Variants in ZMYND11 observed in about 807,000 individuals in gnomAD.
The protein encoded by ZMYND11 is zinc finger MYND domain-containing protein 11.
Under a neutral mutation model 84.9 loss-of-function variants are expected in ZMYND11, and 9 were observed. That is an observed-to-expected ratio of 0.11 (90% confidence interval 0.06 to 0.18). The LOEUF (loss-of-function observed/expected upper bound fraction) is 0.18. Ranked by LOEUF, ZMYND11 falls within the 10% of genes least tolerant of loss-of-function variation. ZMYND11 has a pLI of 1.00. For synonymous variants in ZMYND11, 250 were observed against 244.1 expected, an observed-to-expected ratio of 1.02 and a Z score of -0.23; for missense variants, 409 against 761.0, an observed-to-expected ratio of 0.54 and a Z score of 5.44.
Position 238,547 on chromosome 10 carries a change from G to A in ZMYND11, c.609+870G>A, listed in dbSNP as rs570721173. Among the ~76,000 whole-genome samples the A allele has an allele frequency of 2.3e-3, 357 of 152,030 alleles. 1 individual carries two copies. Among genetic ancestry groups the A allele is most frequent in the African/African-American group, 8.3e-3 (345 of 41,472 alleles). On this transcript the variant is annotated intron_variant, in intron 6 of 14. Coordinates refer to ENST00000381604, the MANE Select transcript of ZMYND11 (RefSeq NM_001370100.5). ...AATTTTTTGTATTTTTAGTAGAGAC[G>A]GGGTTTCACCGTTTTAGCCAGGATG... is the stretch of plus-strand genomic sequence containing the variant.
At chr10:183,794 G>T (rs1409595903) in intron 2 of ZMYND11, among the ~76,000 whole-genome samples, 6 of 152,184 alleles carry the variant, frequency 3.9e-5, no homozygotes. Context: ...TCTTTGACCA[G>T]TTGGAGCCTG....
At chr10:193,324 T>G (rs546143704) in intron 2 of ZMYND11, among the ~76,000 whole-genome samples, 7 of 152,338 alleles carry the variant, frequency 4.6e-5, no homozygotes, top group Non-Finnish European at 7.3e-5. Context: ...GGGAGATATT[T>G]TAGGGGCCCT....
At chr10:191,810 G>A (rs11250790) in intron 2 of ZMYND11, among the ~76,000 whole-genome samples, 37,327 of 151,934 alleles carry the variant, frequency 0.25, 5,769 homozygotes, top group Non-Finnish European at 0.35. Flanking sequence ...TGTGGTTGTT[G>A]TCTCAGCATC....
chr10:145,015 T>C (rs1588412946), intron 1 of ZMYND11, among the ~76,000 whole-genome samples: 1 of 151,376 alleles, frequency 6.6e-6, no homozygotes, highest in South Asian at 2.1e-4. Flanking sequence ...AGTGAGAACA[T>C]GCAGTATTTG....
chr10:223,356 T>G (rs532742137), intron 4 of ZMYND11, among the ~76,000 whole-genome samples: 1 of 152,296 alleles, frequency 6.6e-6, no homozygotes, highest in East Asian at 1.9e-4. Flanking sequence ...CCTCTACTCT[T>G]TACTGAATGG....
chr10:209,492 A>G lies in ZMYND11; in HGVS notation c.117-397A>G, dbSNP rs138030216. Among the ~76,000 whole-genome samples, 707 of 152,282 alleles carry G rather than the reference A, an allele frequency of 4.6e-3. 5 individuals are homozygous for G. Among genetic ancestry groups the G allele is most frequent in the African/African-American group, 0.016 (670 of 41,548 alleles). ...AATATGTTTGTAGTTCTAAGGTCCT[A>G]TGGTTGGAGATTATAAAATTCTAAA... On this transcript the variant is annotated intron_variant, in intron 2 of 14. Coordinates refer to ENST00000381604, the MANE Select transcript of ZMYND11 (RefSeq NM_001370100.5).
At chr10:208,361 C>A in intron 2 of ZMYND11, among the ~76,000 whole-genome samples, 1 of 152,228 alleles carries the variant, frequency 6.6e-6, no homozygotes, top group Admixed American at 6.5e-5. Context: ...AGGCAACCTA[C>A]AAAATGGGAG....
At chr10:191,061 G>T (rs1459025496) in intron 2 of ZMYND11, among the ~76,000 whole-genome samples, 2 of 152,146 alleles carry the variant, frequency 1.3e-5, no homozygotes, top group African/African-American at 4.8e-5. Flanking sequence ...ATATTCAGCT[G>T]TGTAAACTGT....
At position 200,988 on chromosome 10, in the gene ZMYND11, A is replaced by G. The variant is rs72770983; in HGVS notation, c.117-8901A>G. ...GTCATAAAGAAATTCAACATTTCTA[A>G]TCTAGTCAGGTATTTTGCATCTCCT... On this transcript the variant is annotated intron_variant, in intron 2 of 14. Coordinates refer to ENST00000381604, the MANE Select transcript of ZMYND11 (RefSeq NM_001370100.5). 2.3e-3 allele frequency among the ~76,000 whole-genome samples: 356 copies of G among 152,226 alleles called. 2 individuals carry two copies. Among genetic ancestry groups the G allele is most frequent in the Non-Finnish European group, 4.2e-3 (285 of 68,020 alleles).
intron 2 of ZMYND11, among the ~76,000 whole-genome samples, chr10:184,818 C>A (rs1350228593): frequency 6.6e-6 from 1 of 152,140 alleles, no homozygotes; most frequent in East Asian, 1.9e-4. Flanking sequence ...CTAAAGTTCT[C>A]CCTATGCCAT....
At chr10:234,982 A>G (rs1589156739) in intron 4 of ZMYND11, among the ~76,000 whole-genome samples, 1 of 148,884 alleles carries the variant, frequency 6.7e-6, no homozygotes, top group African/African-American at 2.5e-5. Flanking sequence ...TATTTCGCAA[A>G]TGTGTGTGTG....
At chr10:238,844 C>T (rs1950421703) in intron 6 of ZMYND11, among the ~76,000 whole-genome samples, 1 of 152,164 alleles carries the variant, frequency 6.6e-6, no homozygotes, top group African/African-American at 2.4e-5. Flanking sequence ...ATGTAAGAAC[C>T]CAGACGCCCC....
intron 8 of ZMYND11, 69 bp from the exon 9 acceptor site, chr10:240,824 A>G (rs1197377576): frequency 8.9e-7 from 1 of 1,129,704 alleles, no homozygotes; most frequent in Non-Finnish European, 1.3e-6. Context: ...ATTTACATGG[A>G]TACATTTTAT....
chr10:173,045 AAAAG>A (rs1349951515), intron 1 of ZMYND11, among the ~76,000 whole-genome samples: 6 of 152,158 alleles, frequency 3.9e-5, no homozygotes, highest in Non-Finnish European at 7.3e-5. Flanking sequence ...GAAAAAAAAA[AAAAG>A]AAGAATCATC....
chr10:241,020 T>G (rs955890067), intron 9 of ZMYND11, 50 bp downstream of exon 9: 2 of 1,409,338 alleles, frequency 1.4e-6, no homozygotes, highest in Non-Finnish European at 2.0e-6. Flanking sequence ...CTAAGGAAGT[T>G]TATTTCCAGT....
At chr10:182,027 CT>C (rs1564332250) in intron 2 of ZMYND11, among the ~76,000 whole-genome samples, 1 of 152,108 alleles carries the variant, frequency 6.6e-6, no homozygotes, top group Non-Finnish European at 1.5e-5. Context: ...TTGGATTCAG[CT>C]TTTTAAATTA....
intron 1 of ZMYND11, among the ~76,000 whole-genome samples, chr10:139,665 C>G (rs1469457846): frequency 6.8e-6 from 1 of 146,820 alleles, no homozygotes; most frequent in Non-Finnish European, 1.5e-5. Context: ...TGCAAAGTTA[C>G]TTACACGTAC....
At chr10:180,175 CTT>C in intron 2 of ZMYND11, 47 bp downstream of exon 2, 1 of 1,523,430 alleles carries the variant, frequency 6.6e-7, no homozygotes, top group Non-Finnish European at 9.0e-7. Context: ...TCGTAGAAGA[CTT>C]TGGGGGAAAG....
In ZMYND11 at chr10:248,434, G is replaced by A; in HGVS notation, c.1326G>A (p.Lys442=). Residue 442 remains lysine (K), a synonymous_variant, in exon 13 of 15, where the codon AAG becomes AAA. Transcript: ENST00000381604. The part of the protein sequence containing the change: ...EKVSVSTQTK[K]LSASSPRMLH... ...TCTCCGTGTCAACTCAGACAAAGAA[G>A]TTAAGTGCCTCTTCACCAAGAATGC... 3.7e-6 allele frequency: 6 copies of A among 1,614,092 alleles called. No homozygotes were observed. The highest frequency in any genetic ancestry group is 5.1e-6 in the Non-Finnish European group (6 of 1,180,002).
Sources: allele counts gnomAD v4.1 joint callset (sites outside exome capture counted in the v4.1 genomes callset), GRCh38; gene constraint gnomAD v4.1.1; transcripts MANE v1.5; gene names NCBI Gene and HGNC (gene_info 2026-07-23, HGNC 2026-07-21).